MFN1: variants seen among roughly 807,000 people sequenced by gnomAD.
The protein encoded by MFN1 is mitofusin-1.
MFN1 carries 65 observed loss-of-function variants against 92.4 expected under a neutral mutation model. The observed-to-expected ratio is 0.70, with a 90% confidence interval of 0.58 to 0.86. The LOEUF is 0.86. MFN1 is among the 40% of genes least tolerant of loss of function. MFN1 has a pLI of 0.00. For synonymous variants in MFN1, 297 were observed against 300.9 expected (o/e 0.99, Z 0.13); for missense variants, 781 against 868.0 (o/e 0.90, Z 1.26).
intron 14 of MFN1, among the ~76,000 whole-genome samples, chr3:179,382,506 A>G (rs549578556): frequency 6.6e-6 from 1 of 152,336 alleles, no homozygotes; most frequent in East Asian, 1.9e-4. Flanking sequence ...AGTCTTTGCT[A>G]TTATGAGTAG....
chr3:179,385,676 C>G lies in MFN1; in HGVS notation c.1770C>G (p.Ser590=). ...LMITLVTGLA[S]VTSRTSMGII... ...TTACATTAGTAACAGGATTGGCGTC[C>G]GTTACATCTAGAACTTCTATGGGCA... The change falls in exon 15 of 18, where the codon TCC becomes TCG. Residue 590 remains serine (S), a synonymous_variant. Coordinates refer to ENST00000471841, the MANE Select transcript of MFN1 (RefSeq NM_033540.3). The G allele has an allele frequency of 6.2e-7, 1 of 1,613,630 alleles. No individual in the cohort carries two copies. Among genetic ancestry groups the G allele is most frequent in the Non-Finnish European group, 8.5e-7 (1 of 1,179,806 alleles).
intron 3 of MFN1, among the ~76,000 whole-genome samples, chr3:179,352,630 G>A (rs556898590): frequency 2.6e-4 from 39 of 152,310 alleles, no homozygotes; most frequent in African/African-American, 8.9e-4. Flanking sequence ...CTTGTTTCTA[G>A]GCAGCTTATG....
intron 17 of MFN1, among the ~76,000 whole-genome samples, chr3:179,390,403 T>A (rs1034920931): frequency 6.6e-6 from 1 of 152,170 alleles, no homozygotes; most frequent in Non-Finnish European, 1.5e-5. Flanking sequence ...ACTTTATAGA[T>A]CGAAATTTAC....
At chr3:179,353,803 T>C (rs1712246831) in intron 3 of MFN1, among the ~76,000 whole-genome samples, 1 of 152,244 alleles carries the variant, frequency 6.6e-6, no homozygotes, top group Non-Finnish European at 1.5e-5. Context: ...CTAAGCTATT[T>C]TCCCATCGTA....
At position 179,375,294 on chromosome 3, in the gene MFN1, T is replaced by C. The variant is rs1396540964; in HGVS notation, c.1050T>C (p.Thr350=). ...HTIRAKQILA[T]VKNIMDSVNL... ...TCAGAGCTAAACAGATACTAGCTACTGTGAAAAACATAATGGATTCAGTAA... is the reference window on the plus strand; with the variant it reads ...TCAGAGCTAAACAGATACTAGCTACCGTGAAAAACATAATGGATTCAGTAA... Residue 350 remains threonine, a synonymous_variant, in exon 10 of 18, where the codon ACT becomes ACC. Transcript: ENST00000471841. 3 of 1,613,808 alleles carry C rather than the reference T, an allele frequency of 1.9e-6. No individual in the cohort carries two copies. Among genetic ancestry groups the C allele is most frequent in the Non-Finnish European group, 8.5e-7 (1 of 1,179,922 alleles).
At chr3:179,378,101 A>G (rs1357558238) in intron 12 of MFN1, 2 of 470,028 alleles carry the variant, frequency 4.3e-6, no homozygotes, top group African/African-American at 4.0e-5. Flanking sequence ...ACACGCTTCT[A>G]TAGTCCCAGT....
At chr3:179,391,226 T>TC (rs1713888992) in intron 17 of MFN1, among the ~76,000 whole-genome samples, 2 of 152,204 alleles carry the variant, frequency 1.3e-5, no homozygotes, top group South Asian at 4.1e-4. Context: ...AAATAGTATT[T>TC]CATTTTGTTA....
At chr3:179,386,900 G>A (rs1174597178) in intron 16 of MFN1, among the ~76,000 whole-genome samples, 1 of 151,900 alleles carries the variant, frequency 6.6e-6, no homozygotes, top group African/African-American at 2.4e-5. Flanking sequence ...CTCTGGAGGG[G>A]TTTAAAAAGA....
At chr3:179,377,281 A>C in intron 11 of MFN1, 63 bp from the exon 12 acceptor site, 1 of 1,519,188 alleles carries the variant, frequency 6.6e-7, no homozygotes, top group Non-Finnish European at 8.9e-7. Context: ...TTTCAATTTA[A>C]TTTTTTTGAA....
At chr3:179,389,025 CAA>C (rs1398974620) in intron 16 of MFN1, among the ~76,000 whole-genome samples, 1 of 152,112 alleles carries the variant, frequency 6.6e-6, no homozygotes, top group Admixed American at 6.6e-5. Context: ...TGTTTAGACT[CAA>C]GAGACAGGAA....
chr3:179,378,695 G>A lies in MFN1; in HGVS notation c.1543G>A (p.Asp515Asn), dbSNP rs774196121. ...TCTAAATTACCACAAGTTATGTTCA[G>A]ATTTTCAAGAGGATATTGTATTTCG... ...YNLNYHKLCS[D>N]FQEDIVFRFS... The change falls in exon 14 of 18, where the codon GAT becomes AAT. Residue 515 changes from aspartate to asparagine, a missense_variant. By Grantham distance (23) the Asp-to-Asn change is conservative. Coordinates refer to ENST00000471841, the MANE Select transcript of MFN1 (RefSeq NM_033540.3). 6.2e-7 allele frequency: 1 copy of A among 1,613,890 alleles called. No homozygotes were observed. The highest frequency in any genetic ancestry group is 2.2e-5 in the East Asian group (1 of 44,872).
intron 7 of MFN1, among the ~76,000 whole-genome samples, chr3:179,365,685 C>T (rs1286715616): frequency 6.6e-6 from 1 of 152,194 alleles, no homozygotes; most frequent in Non-Finnish European, 1.5e-5. Context: ...TGTCCTACTT[C>T]CCAAGGAGAA....
rs1212700812 is a variant in MFN1, at chr3:179,378,218, C to A, written c.1330-123C>A. ...TAGGCAACAAAGCAAGACCCTGTCT[C>A]AAAAAAAAAAAAAAAGTCAAATTAA... On this transcript the variant is annotated intron_variant, in intron 12 of 17. Coordinates refer to ENST00000471841, the MANE Select transcript of MFN1 (RefSeq NM_033540.3). 247 of 621,168 alleles carry A rather than the reference C, an allele frequency of 4.0e-4. 2 individuals are homozygous for A. The highest frequency in any genetic ancestry group is 1.1e-3 in the African/African-American group (55 of 48,220). 38.5% of individuals were successfully genotyped at this position (621,168 alleles called of 1,614,324 possible).
intron 17 of MFN1, among the ~76,000 whole-genome samples, chr3:179,391,411 C>T (rs768112856): frequency 1.3e-5 from 2 of 152,042 alleles, no homozygotes; most frequent in African/African-American, 4.8e-5. Flanking sequence ...AGATTAGGCT[C>T]AGCCATTTGG....
Position 179,362,329 on chromosome 3 carries a change from T to G in MFN1, c.412-29T>G, listed in dbSNP as rs756418989. The G allele has an allele frequency of 3.2e-6, 5 of 1,548,274 alleles. No individual in the cohort carries two copies. The South Asian group carries it at 6.3e-5, about 20-fold the overall frequency. ...TTATTGAATTTTATTACAAGTGGAG[T>G]TTATTTTTTTCTTTTCCTCCTGCTT... On this transcript the variant is annotated intron_variant, in intron 4 of 17. Coordinates refer to ENST00000471841, the MANE Select transcript of MFN1 (RefSeq NM_033540.3).
At chr3:179,356,801 T>C (rs752343533) in intron 3 of MFN1, among the ~76,000 whole-genome samples, 9 of 152,036 alleles carry the variant, frequency 5.9e-5, no homozygotes, top group Admixed American at 1.3e-4. Flanking sequence ...TTATATGGGG[T>C]GGAGGGACCC....
At chr3:179,352,310 A>T (rs936435059) in intron 3 of MFN1, among the ~76,000 whole-genome samples, 1 of 152,210 alleles carries the variant, frequency 6.6e-6, no homozygotes, top group East Asian at 1.9e-4. Flanking sequence ...TAGATAAATG[A>T]TAAGCATACT....
At chr3:179,360,868 C>T (rs536150314) in intron 4 of MFN1, among the ~76,000 whole-genome samples, 8 of 152,194 alleles carry the variant, frequency 5.3e-5, no homozygotes, top group Non-Finnish European at 7.4e-5. Context: ...TATTCAAGGC[C>T]GGGCACAGTG....
intron 6 of MFN1, among the ~76,000 whole-genome samples, chr3:179,364,741 G>A (rs915789666): frequency 3.0e-4 from 45 of 152,144 alleles, no homozygotes; most frequent in African/African-American, 1.0e-3. Flanking sequence ...CCATCTATCA[G>A]GCAAGGCTTT....
Sources: allele counts gnomAD v4.1 joint callset (sites outside exome capture counted in the v4.1 genomes callset), GRCh38; gene constraint gnomAD v4.1.1; transcripts MANE v1.5; gene names NCBI Gene and HGNC (gene_info 2026-07-23, HGNC 2026-07-21).